GRIK1: variants seen among roughly 807,000 people sequenced by gnomAD.
GRIK1 encodes glutamate ionotropic receptor kainate type subunit 1.
A neutral mutation model predicts 105.7 loss-of-function variants in GRIK1; 69 were observed. The ratio of observed to expected loss-of-function variants is 0.65; its 90% CI spans 0.54 to 0.80. The LOEUF is 0.80. GRIK1 is among the 30% of genes least tolerant of loss of function. GRIK1 has a pLI of 0.00. For missense variants in GRIK1, 1,109 were observed against 1,167.3 expected (o/e 0.95, Z 0.73); for synonymous variants, 438 against 431.3 (o/e 1.02, Z -0.19).
chr21:29,818,254 A>G (rs2067205577), intron 1 of GRIK1, among the ~76,000 whole-genome samples: 1 of 152,124 alleles, frequency 6.6e-6, no homozygotes, highest in Non-Finnish European at 1.5e-5. Flanking sequence ...GACAAAAAAA[A>G]TTTCTGGGAG....
chr21:29,599,354 T>C (rs2061475711), intron 7 of GRIK1, among the ~76,000 whole-genome samples: 1 of 152,222 alleles, frequency 6.6e-6, no homozygotes, highest in Admixed American at 6.5e-5. Flanking sequence ...ACTAATATAG[T>C]CCAATGATGT....
At chr21:29,543,633 T>C (rs1248862169) in intron 16 of GRIK1, among the ~76,000 whole-genome samples, 1 of 152,152 alleles carries the variant, frequency 6.6e-6, no homozygotes, top group East Asian at 1.9e-4. Flanking sequence ...GGTTGAGTGT[T>C]GATCACCATA....
rs1412526003 is a variant in GRIK1, at chr21:29,620,798, T to TAGATAGATAG, written c.1099-21862_1099-21861insCTATCTATCT. On this transcript the variant is annotated intron_variant, in intron 7 of 17. Transcript: ENST00000327783. ...ATATATATAGATATATATATCTATA[T>TAGATAGATAG]ATATATAGATATATATATATAGTAA... Among the ~76,000 whole-genome samples the TAGATAGATAG allele has an allele frequency of 3.4e-3, 366 of 107,562 alleles. 5 individuals carry two copies. Among genetic ancestry groups the TAGATAGATAG allele is most frequent in the African/African-American group, 0.018 (356 of 20,226 alleles). 70.6% of individuals were successfully genotyped at this position (107,562 alleles called of 152,430 possible).
chr21:29,553,473 C>A (rs2090171021), intron 16 of GRIK1: 2 of 1,456,218 alleles, frequency 1.4e-6, no homozygotes, highest in Non-Finnish European at 1.8e-6. Flanking sequence ...GCTATTTATG[C>A]TTAGCAAATA....
chr21:29,747,053 C>T (rs2065065028), intron 1 of GRIK1, among the ~76,000 whole-genome samples: 1 of 152,068 alleles, frequency 6.6e-6, no homozygotes, highest in Non-Finnish European at 1.5e-5. Context: ...CTCCCAAGAA[C>T]TTAGGAATAA....
At chr21:29,582,231 T>C (rs2091037691) in intron 12 of GRIK1, 1 of 425,368 alleles carries the variant, frequency 2.4e-6, no homozygotes, top group South Asian at 1.9e-5. Context: ...TGGTACACAT[T>C]AGTATTAACT....
rs574917312 is a variant in GRIK1, at chr21:29,829,273, C to A, written c.118+110110G>T. 4.1e-3 allele frequency among the ~76,000 whole-genome samples: 629 copies of A among 152,270 alleles called. 1 individual carries two copies. The highest frequency in any genetic ancestry group is 6.7e-3 in the Non-Finnish European group (453 of 68,014). On this transcript the variant is annotated intron_variant, in intron 1 of 17. Transcript: ENST00000327783. ...CTTTTAAAAGGAACCTGTTTCTGGA[C>A]CATTATATGGAAGTATATTCTTCAT...
chr21:29,608,755 C>T (rs1453574753), intron 7 of GRIK1, among the ~76,000 whole-genome samples: 1 of 152,142 alleles, frequency 6.6e-6, no homozygotes, highest in Non-Finnish European at 1.5e-5. Context: ...GTATCAGAGC[C>T]TCATGGAAAC....
At chr21:29,716,728 A>G (rs1422269965) in intron 1 of GRIK1, among the ~76,000 whole-genome samples, 1 of 152,238 alleles carries the variant, frequency 6.6e-6, no homozygotes, top group Admixed American at 6.5e-5. Flanking sequence ...AGAGCATAAA[A>G]GTTTGAAAAA....
At chr21:29,933,294 G>A (rs1354480987) in intron 1 of GRIK1, among the ~76,000 whole-genome samples, 1 of 152,084 alleles carries the variant, frequency 6.6e-6, no homozygotes, top group Non-Finnish European at 1.5e-5. Flanking sequence ...CAGGATGTAT[G>A]GTCATGTGAC....
At chr21:29,794,566 G>T (rs1304087481) in intron 1 of GRIK1, among the ~76,000 whole-genome samples, 1 of 152,176 alleles carries the variant, frequency 6.6e-6, no homozygotes, top group East Asian at 1.9e-4. Context: ...CTCGTTCCTT[G>T]TGGATCTGTG....
At chr21:29,747,689 C>T (rs889042568) in intron 1 of GRIK1, among the ~76,000 whole-genome samples, 3 of 152,058 alleles carry the variant, frequency 2.0e-5, no homozygotes, top group Non-Finnish European at 2.9e-5. Context: ...ATTAGCTGGG[C>T]GTGGTGGCAC....
intron 1 of GRIK1, among the ~76,000 whole-genome samples, chr21:29,815,170 T>C (rs2067122336): frequency 6.6e-6 from 1 of 152,180 alleles, no homozygotes; most frequent in Admixed American, 6.6e-5. Context: ...TACATACTAT[T>C]GTAAAAAGAG....
At chr21:29,674,754 G>A (rs1194471411) in intron 3 of GRIK1, among the ~76,000 whole-genome samples, 1 of 152,092 alleles carries the variant, frequency 6.6e-6, no homozygotes, top group African/African-American at 2.4e-5. Flanking sequence ...CCAGCCATGT[G>A]GAAATATGAG....
chr21:29,544,824 G>A (rs2090025567), intron 16 of GRIK1, among the ~76,000 whole-genome samples: 1 of 152,210 alleles, frequency 6.6e-6, no homozygotes, highest in Admixed American at 6.5e-5. Context: ...CTGCTCTCAA[G>A]GAGAAAAGTT....
intron 1 of GRIK1, among the ~76,000 whole-genome samples, chr21:29,707,126 A>C (rs1440597945): frequency 6.6e-6 from 1 of 151,792 alleles, no homozygotes; most frequent in African/African-American, 2.4e-5. Flanking sequence ...GGCCTCCCGA[A>C]GTGCTGGGAT....
At chr21:29,653,580 C>T (rs1322270683) in intron 5 of GRIK1, among the ~76,000 whole-genome samples, 2 of 152,220 alleles carry the variant, frequency 1.3e-5, no homozygotes, top group Non-Finnish European at 2.9e-5. Flanking sequence ...AGTTCCGAGG[C>T]AGATGGCCAT....
At chr21:29,715,461 A>G (rs2064156939) in intron 1 of GRIK1, among the ~76,000 whole-genome samples, 1 of 152,102 alleles carries the variant, frequency 6.6e-6, no homozygotes, top group African/African-American at 2.4e-5. Context: ...AGTAACCAAG[A>G]TAAGTAATAT....
intron 1 of GRIK1, among the ~76,000 whole-genome samples, chr21:29,809,814 G>C (rs1190948891): frequency 6.6e-6 from 1 of 152,096 alleles, no homozygotes; most frequent in Non-Finnish European, 1.5e-5. Flanking sequence ...TAAACACCTA[G>C]AGGCCATTGT....
Sources: gnomAD v4.1 joint callset for allele counts (sites outside exome capture counted in the v4.1 genomes callset) on GRCh38, gnomAD v4.1.1 for gene constraint, MANE v1.5 for transcripts, NCBI Gene and HGNC (gene_info 2026-07-23, HGNC 2026-07-21) for gene names.